PRKN: variants seen among roughly 807,000 people sequenced by gnomAD.
PRKN encodes the protein E3 ubiquitin-protein ligase parkin.
A neutral mutation model predicts 59.5 loss-of-function variants in PRKN; 56 were observed. The observed-to-expected ratio is 0.94, with a 90% CI of 0.76 to 1.18. PRKN has a LOEUF of 1.18. Among genes scored for constraint, PRKN ranks in the 50% most tolerant of loss-of-function variants. The probability of loss-of-function intolerance (pLI) is 0.00; values close to 1 mark genes in which losing one functional copy is unlikely to be tolerated. For synonymous variants in PRKN, 250 were observed against 222.1 expected (o/e 1.13, Z -1.12); for missense variants, 657 against 596.4 (o/e 1.10, Z -1.06).
intron 7 of PRKN, among the ~76,000 whole-genome samples, chr6:161,713,975 T>C (rs538449649): frequency 1.3e-5 from 2 of 152,302 alleles, no homozygotes; most frequent in Non-Finnish European, 2.9e-5. Flanking sequence ...TTGCTCCTCC[T>C]TCCCCTTCTG....
chr6:162,510,518 G>A (rs1321617327), intron 1 of PRKN, among the ~76,000 whole-genome samples: 1 of 152,172 alleles, frequency 6.6e-6, no homozygotes, highest in Non-Finnish European at 1.5e-5. Context: ...GCTCTCTGGG[G>A]AGCAGGGTGA....
intron 1 of PRKN, among the ~76,000 whole-genome samples, chr6:162,487,857 C>T (rs1263674574): frequency 2.6e-5 from 4 of 152,110 alleles, no homozygotes; most frequent in Non-Finnish European, 5.9e-5. Context: ...GGGAGGATCA[C>T]TTGAGGCCAA....
In PRKN at chr6:162,054,154, A is replaced by G. The variant is rs377344238; in HGVS notation, c.555T>C (p.Asp185=). ...TLTQGPSCWD[D]VLIPNRMSGE... ...CACTCATCCGGTTTGGAATTAAAAC[A>G]TCATCCCAGCAAGATGGACCCTTTG... The change falls in exon 5 of 12, where the codon GAT becomes GAC. Residue 185 remains aspartate, a synonymous_variant. Transcript: ENST00000366898. 1.9e-5 allele frequency: 30 copies of G among 1,612,996 alleles called. No homozygotes were observed. Among genetic ancestry groups the G allele is most frequent in the Middle Eastern group, 1.6e-4 (1 of 6,076 alleles).
chr6:162,271,694 T>A (rs1780401406), intron 2 of PRKN, among the ~76,000 whole-genome samples: 1 of 152,200 alleles, frequency 6.6e-6, no homozygotes, highest in Non-Finnish European at 1.5e-5. Context: ...AAGGGAATTG[T>A]TCCCAGTGAT....
chr6:162,012,538 C>T (rs1782771827), intron 5 of PRKN, among the ~76,000 whole-genome samples: 1 of 152,016 alleles, frequency 6.6e-6, no homozygotes, highest in African/African-American at 2.4e-5. Context: ...CTTGGGATTT[C>T]CTGAGAATAA....
intron 1 of PRKN, among the ~76,000 whole-genome samples, chr6:162,583,969 T>A (rs1325036607): frequency 6.6e-6 from 1 of 152,052 alleles, no homozygotes; most frequent in Non-Finnish European, 1.5e-5. Context: ...ATCCCAGCAC[T>A]TTGGGAGGCT....
intron 3 of PRKN, among the ~76,000 whole-genome samples, chr6:162,225,904 A>ATATATG (rs916881913): frequency 2.0e-5 from 3 of 148,884 alleles, no homozygotes; most frequent in South Asian, 2.1e-4. Context: ...ATATATATAT[A>ATATATG]TACTTTTGTT....
chr6:162,039,961 AT>A (rs1414960593), intron 5 of PRKN, among the ~76,000 whole-genome samples: 1 of 152,218 alleles, frequency 6.6e-6, no homozygotes, highest in African/African-American at 2.4e-5. Flanking sequence ...TTAAAAATTA[AT>A]TTTACTGGTA....
chr6:162,534,989 T>TTCCCCAGTCCTCTTCCA (rs71544935), intron 1 of PRKN, among the ~76,000 whole-genome samples: 10,084 of 145,242 alleles, frequency 0.069, 679 homozygotes, highest in Middle Eastern at 0.15. Context: ...GTTCTCTTCC[T>TTCCCCAGTCCTCTTCCA]TCCCCAGTCC....
At chr6:162,716,064 C>G (rs565116055) in intron 1 of PRKN, among the ~76,000 whole-genome samples, 31 of 152,178 alleles carry the variant, frequency 2.0e-4, no homozygotes, top group Non-Finnish European at 3.1e-4. Flanking sequence ...CATTTAGATA[C>G]GCACGCCTAG....
intron 9 of PRKN, among the ~76,000 whole-genome samples, chr6:161,531,896 T>A (rs971007287): frequency 6.6e-6 from 1 of 152,126 alleles, no homozygotes; most frequent in African/African-American, 2.4e-5. Context: ...TTTGGAACTG[T>A]TACAATGGAT....
At chr6:162,700,248 G>A (rs760927160) in intron 1 of PRKN, among the ~76,000 whole-genome samples, 1 of 152,074 alleles carries the variant, frequency 6.6e-6, no homozygotes, top group Non-Finnish European at 1.5e-5. Flanking sequence ...CTTATTGTCA[G>A]TTCATTTTCA....
intron 1 of PRKN, among the ~76,000 whole-genome samples, chr6:162,686,435 T>TC (rs1450393409): frequency 1.3e-5 from 2 of 152,190 alleles, no homozygotes; most frequent in Non-Finnish European, 2.9e-5. Context: ...GTTTTGTTTT[T>TC]CTTTTGTGGG....
At chr6:161,772,870 C>A (rs572095908) in intron 7 of PRKN, among the ~76,000 whole-genome samples, 64 of 152,146 alleles carry the variant, frequency 4.2e-4, no homozygotes, top group African/African-American at 1.5e-3. Context: ...ATAATTTGCA[C>A]ATATATTCAG....
At chr6:162,513,772 C>T (rs1352631181) in intron 1 of PRKN, among the ~76,000 whole-genome samples, 1 of 151,894 alleles carries the variant, frequency 6.6e-6, no homozygotes, top group Non-Finnish European at 1.5e-5. Flanking sequence ...AAATTAACCT[C>T]GCTGGGCACA....
intron 11 of PRKN, 132 bp from the exon 12 acceptor site, chr6:161,350,343 G>A (rs1784480558): frequency 1.5e-6 from 1 of 673,674 alleles, no homozygotes; most frequent in South Asian, 1.6e-5. Flanking sequence ...AGGGCAGAGA[G>A]AAACTTAACT....
intron 1 of PRKN, among the ~76,000 whole-genome samples, chr6:162,721,449 A>C (rs1052433302): frequency 1.3e-5 from 2 of 152,132 alleles, no homozygotes; most frequent in African/African-American, 4.8e-5. Flanking sequence ...CGCCAACTTT[A>C]AACCTACCTC....
rs1462310739 is a variant in PRKN at position 161,967,687 on chromosome 6, CTAT to C, written c.734+5612_734+5614del. ...AGGCAGAAGGCTCCGTCATCAAGGT[CTAT>C]TATTCCAGCTTGAGAGCATGCCTGG... On this transcript the variant is annotated intron_variant, in intron 6 of 11. Transcript: ENST00000366898. 4.6e-5 allele frequency among the ~76,000 whole-genome samples: 7 copies of C among 152,212 alleles called. No homozygotes were observed. The South Asian group carries it at 8.3e-4, about 18-fold the overall frequency.
intron 4 of PRKN, among the ~76,000 whole-genome samples, chr6:162,113,206 G>C (rs930832969): frequency 6.6e-6 from 1 of 152,102 alleles, no homozygotes; most frequent in East Asian, 1.9e-4. Context: ...GCTGAGCAGA[G>C]GCTACAATTA....
Sources: gnomAD v4.1 joint callset for allele counts (sites outside exome capture counted in the v4.1 genomes callset) on GRCh38, gnomAD v4.1.1 for gene constraint, MANE v1.5 for transcripts, NCBI Gene and HGNC (gene_info 2026-07-23, HGNC 2026-07-21) for gene names.